The following SPRED2 variants were observed in gnomAD, a reference collection of about 807,000 sequenced individuals.
The protein encoded by SPRED2 is sprouty related EVH1 domain containing 2, also known as sprouty-related, EVH1 domain-containing protein 2.
A neutral mutation model predicts 43.0 loss-of-function variants in SPRED2; 47 were observed. That is an observed-to-expected ratio of 1.09 (90% CI 0.87 to 1.40). The LOEUF (loss-of-function observed/expected upper bound fraction) is 1.40. Ranked by LOEUF, SPRED2 falls within the 40% of genes most tolerant of loss-of-function variation. The pLI is 0.00. For synonymous variants in SPRED2, 225 were observed against 225.7 expected (o/e 1.00, Z 0.03); for missense variants, 561 against 586.4 (o/e 0.96, Z 0.45).
In SPRED2 at chr2:65,388,041, G is replaced by A. The variant is rs558510113; in HGVS notation, c.27-43145C>T. On this transcript the variant is annotated intron_variant, in intron 1 of 5. Coordinates refer to ENST00000356388, the MANE Select transcript of SPRED2 (RefSeq NM_181784.3). ...CTCCTGACCTCAAGTGATCTGCCTC[G>A]GCCTCCCAAAGTGCTGGGATTACAG... is the stretch of plus-strand genomic sequence containing the variant. 5.9e-5 allele frequency among the ~76,000 whole-genome samples: 9 copies of A among 152,118 alleles called. No individual in the cohort carries two copies. The South Asian group carries it at 1.0e-3, about 18-fold the overall frequency.
intron 1 of SPRED2, among the ~76,000 whole-genome samples, chr2:65,411,861 G>A (rs1336532218): frequency 6.6e-6 from 1 of 152,120 alleles, no homozygotes; most frequent in Non-Finnish European, 1.5e-5. Context: ...AGGCGCGGTG[G>A]CTCACGCCTG....
intron 4 of SPRED2, among the ~76,000 whole-genome samples, chr2:65,317,764 G>A (rs1309581105): frequency 6.6e-6 from 1 of 152,018 alleles, no homozygotes; most frequent in Non-Finnish European, 1.5e-5. Flanking sequence ...AATAAATTTT[G>A]TATCTTTGGG....
At chr2:65,394,727 A>G (rs2103698172) in intron 1 of SPRED2, among the ~76,000 whole-genome samples, 1 of 152,114 alleles carries the variant, frequency 6.6e-6, no homozygotes. Flanking sequence ...TTTGCTTACT[A>G]TTTCTATTTC....
chr2:65,415,242 T>C (rs1676246970), intron 1 of SPRED2, among the ~76,000 whole-genome samples: 1 of 152,248 alleles, frequency 6.6e-6, no homozygotes, highest in Non-Finnish European at 1.5e-5. Flanking sequence ...TCCTAAGACA[T>C]TAAAACAACT....
At chr2:65,422,077 A>AAC (rs367817858) in intron 1 of SPRED2, among the ~76,000 whole-genome samples, 3,851 of 127,644 alleles carry the variant, frequency 0.03, 147 homozygotes, top group African/African-American at 0.087. Context: ...TTGTATGTAC[A>AAC]ACACACACAC....
intron 1 of SPRED2, among the ~76,000 whole-genome samples, chr2:65,389,242 C>T (rs6755876): frequency 0.017 from 1,796 of 107,742 alleles, 33 homozygotes; most frequent in African/African-American, 0.061. Flanking sequence ...ACATGCTCAA[C>T]CTTTTTTTTT....
At chr2:65,400,816 T>A (rs1011398809) in intron 1 of SPRED2, among the ~76,000 whole-genome samples, 10 of 152,180 alleles carry the variant, frequency 6.6e-5, no homozygotes, top group African/African-American at 2.4e-4. Context: ...CACCTTCAGC[T>A]TTGCGCCACC....
rs1232779364 is a variant in SPRED2, at chr2:65,316,813, G to A, written c.509C>T (p.Thr170Ile). Residue 170 changes from threonine to isoleucine, a missense_variant, in exon 5 of 6, where the codon ACA becomes ATA. Physicochemically the swap from Thr to Ile is moderately conservative, Grantham distance 89. Around this residue, in one of 6 missense-constraint regions of SPRED2, gnomAD observed 305 missense variants for 282.4 expected, o/e 1.08. Transcript: ENST00000356388. The stretch of plus-strand genomic sequence containing the variant: ...ATAAATCCTCCGGTGCTCACAGGAT[G>A]TGGGAGAGGAGATTGTCCGAGTAGG... Reference protein sequence around the residue: ...EQPTRTISSPTSCEHRRIYTL... With the variant: ...EQPTRTISSPISCEHRRIYTL... The A allele has an allele frequency of 1.9e-6, 3 of 1,613,874 alleles. No homozygotes were observed. Among genetic ancestry groups the A allele is most frequent in the East Asian group, 2.2e-5 (1 of 44,878 alleles).
intron 1 of SPRED2, among the ~76,000 whole-genome samples, chr2:65,425,125 C>T (rs959211282): frequency 1.3e-5 from 2 of 152,072 alleles, no homozygotes; most frequent in African/African-American, 4.8e-5. Context: ...GATGTCATTA[C>T]CAGATGAACA....
At chr2:65,324,658 T>C (rs1340221249) in intron 4 of SPRED2, among the ~76,000 whole-genome samples, 2 of 152,158 alleles carry the variant, frequency 1.3e-5, no homozygotes, top group Non-Finnish European at 2.9e-5. Flanking sequence ...GGTCCAAGAA[T>C]GAACCTTCTT....
chr2:65,362,819 T>C (rs1239870698), intron 1 of SPRED2, among the ~76,000 whole-genome samples: 3 of 149,692 alleles, frequency 2.0e-5, no homozygotes, highest in Non-Finnish European at 4.4e-5. Context: ...GATCATGCCA[T>C]TGCACTCCAG....
chr2:65,323,292 G>A (rs777143991), intron 4 of SPRED2, among the ~76,000 whole-genome samples: 11 of 152,238 alleles, frequency 7.2e-5, no homozygotes, highest in Non-Finnish European at 1.3e-4. Flanking sequence ...ACTGCACCTG[G>A]CCCACTGTCA....
intron 4 of SPRED2, among the ~76,000 whole-genome samples, chr2:65,323,572 TA>T (rs998003047): frequency 2.4e-3 from 340 of 139,534 alleles, no homozygotes; most frequent in Admixed American, 2.1e-3. Flanking sequence ...TCTATGGTAG[TA>T]AAAAAAAAAA....
At chr2:65,411,949 A>G (rs1003730481) in intron 1 of SPRED2, among the ~76,000 whole-genome samples, 1 of 152,046 alleles carries the variant, frequency 6.6e-6, no homozygotes, top group Non-Finnish European at 1.5e-5. Context: ...AACACGGTGA[A>G]ACTTCATCTC....
intron 1 of SPRED2, among the ~76,000 whole-genome samples, chr2:65,393,997 C>T (rs1553425737): frequency 1.3e-5 from 2 of 151,882 alleles, no homozygotes; most frequent in South Asian, 4.1e-4. Flanking sequence ...TAAAACTACA[C>T]AAGCAAAAAA....
At chr2:65,357,862 G>A (rs1225549071) in intron 1 of SPRED2, among the ~76,000 whole-genome samples, 2 of 152,080 alleles carry the variant, frequency 1.3e-5, no homozygotes, top group African/African-American at 4.8e-5. Flanking sequence ...CTCACAACCG[G>A]GTGAGGCACC....
intron 1 of SPRED2, among the ~76,000 whole-genome samples, chr2:65,401,533 C>T (rs894463082): frequency 1.3e-5 from 2 of 151,812 alleles, no homozygotes; most frequent in African/African-American, 2.4e-5. Flanking sequence ...CGGTGGCTCA[C>T]GCCTGTAATC....
At chr2:65,310,534 GA>G (rs1673041618), downstream of SPRED2, among the ~76,000 whole-genome samples, 1 of 149,350 alleles carries the variant, frequency 6.7e-6, no homozygotes, top group Admixed American at 6.7e-5. Context: ...GGGATCAGTG[GA>G]AAACAACTTA....
chr2:65,345,280 T>G (rs1027211720), intron 1 of SPRED2, among the ~76,000 whole-genome samples: 3 of 128,084 alleles, frequency 2.3e-5, no homozygotes, highest in Non-Finnish European at 4.8e-5. Flanking sequence ...TTTTTTTTTT[T>G]GAGACGGAGT....
Sources: allele counts gnomAD v4.1 joint callset (sites outside exome capture counted in the v4.1 genomes callset), GRCh38; gene constraint gnomAD v4.1.1; regional missense constraint gnomAD v4.1.1; transcripts MANE v1.5; gene names NCBI Gene and HGNC (gene_info 2026-07-23, HGNC 2026-07-21).